The following NRG3 variants were observed in gnomAD, a reference collection of about 807,000 sequenced individuals.
NRG3 encodes neuregulin 3, also known as pro-neuregulin-3, membrane-bound isoform.
A neutral mutation model predicts 66.9 loss-of-function variants in NRG3; 31 were observed. The ratio of observed to expected loss-of-function variants is 0.46; its 90% CI spans 0.35 to 0.63. The LOEUF is 0.63. Among genes scored for constraint, NRG3 ranks in the 20% least tolerant of loss-of-function variants. The probability of loss-of-function intolerance (pLI) is 0.00; values close to 1 mark genes in which losing one functional copy is unlikely to be tolerated. For missense variants in NRG3, 910 were observed against 878.9 expected (o/e 1.04, Z -0.45); for synonymous variants, 393 against 359.4 (o/e 1.09, Z -1.06).
chr10:82,111,014 C>T (rs778981082), intron 1 of NRG3, among the ~76,000 whole-genome samples: 8 of 152,138 alleles, frequency 5.3e-5, no homozygotes, highest in Non-Finnish European at 7.4e-5. Context: ...TGTGCTTTTG[C>T]AACTTTTCTG....
Position 82,876,320 on chromosome 10 carries a change from G to T in NRG3, c.1054+10883G>T, listed in dbSNP as rs1247081125. On this transcript the variant is annotated intron_variant, in intron 4 of 8. Transcript: ENST00000372141. ...TTTCATGAATTTCTTATGTAATATG[G>T]TGAAACATTAATTATGTAGTAATTA... Among the ~76,000 whole-genome samples, 4 of 152,260 alleles carry T rather than the reference G, an allele frequency of 2.6e-5. No individual in the cohort carries two copies. The East Asian group carries it at 7.7e-4, about 29-fold the overall frequency.
intron 2 of NRG3, among the ~76,000 whole-genome samples, chr10:82,545,377 A>AT (rs745968047): frequency 0.077 from 10,126 of 130,948 alleles, 817 homozygotes; most frequent in East Asian, 0.26. Context: ...TGCTAATAGC[A>AT]TTTTTTTTTT....
intron 1 of NRG3, among the ~76,000 whole-genome samples, chr10:81,938,135 G>A (rs1205775559): frequency 6.6e-6 from 1 of 151,974 alleles, no homozygotes; most frequent in Non-Finnish European, 1.5e-5. Flanking sequence ...GATTAGTGTA[G>A]CCTGGTAATA....
chr10:82,446,117 A>T (rs1274221012), intron 2 of NRG3, among the ~76,000 whole-genome samples: 1 of 152,192 alleles, frequency 6.6e-6, no homozygotes, highest in Non-Finnish European at 1.5e-5. Context: ...ATGTCAGAAT[A>T]TCCAAGGAAA....
chr10:82,370,751 T>C (rs1033150187), intron 2 of NRG3, among the ~76,000 whole-genome samples: 4 of 152,128 alleles, frequency 2.6e-5, no homozygotes, highest in Admixed American at 2.6e-4. Flanking sequence ...ACGTATTACT[T>C]GAGAAAACTA....
intron 2 of NRG3, among the ~76,000 whole-genome samples, chr10:82,503,936 T>C (rs547022329): frequency 6.6e-6 from 1 of 152,160 alleles, no homozygotes; most frequent in Non-Finnish European, 1.5e-5. Flanking sequence ...GGACAACAGC[T>C]GTGTATAAGG....
chr10:82,795,579 C>T (rs2060767352), intron 3 of NRG3, among the ~76,000 whole-genome samples: 1 of 152,138 alleles, frequency 6.6e-6, no homozygotes, highest in Non-Finnish European at 1.5e-5. Flanking sequence ...ATACATGAAT[C>T]AGGGCAGCCT....
At chr10:82,351,954 G>C (rs1482858474) in intron 1 of NRG3, among the ~76,000 whole-genome samples, 2 of 152,176 alleles carry the variant, frequency 1.3e-5, no homozygotes, top group Non-Finnish European at 2.9e-5. Context: ...CTTCTACATA[G>C]CATTCAATCC....
chr10:82,380,643 C>T (rs947156022), intron 2 of NRG3, among the ~76,000 whole-genome samples: 2 of 152,126 alleles, frequency 1.3e-5, no homozygotes, highest in African/African-American at 2.4e-5. Context: ...TACAGATTAA[C>T]ACTGAAACAA....
intron 1 of NRG3, among the ~76,000 whole-genome samples, chr10:82,031,270 G>A (rs2062556231): frequency 6.6e-6 from 1 of 152,142 alleles, no homozygotes; most frequent in African/African-American, 2.4e-5. Context: ...ACGAACCTGT[G>A]TTAGGTGGAC....
At chr10:82,822,515 T>A (rs1447357555) in intron 3 of NRG3, among the ~76,000 whole-genome samples, 1 of 151,840 alleles carries the variant, frequency 6.6e-6, no homozygotes, top group East Asian at 1.9e-4. Context: ...GGTCATAACT[T>A]GCTCTACACA....
In NRG3 at chr10:82,985,387, C is replaced by G. The variant is rs199670372; in HGVS notation, c.1873C>G (p.Gln625Glu). The stretch of plus-strand genomic sequence containing the variant: ...CAGCGATTGTCTTATAGCAGAACAA[C>G]AAGAAGTGAAAATATTGCTAGAAAC... ...PVSDCLIAEQ[Q>E]EVKILLETVQ... The change falls in exon 9 of 9, where the codon CAA becomes GAA. Residue 625 changes from glutamine (Q) to glutamate (E), a missense_variant. Physicochemically the swap from Gln to Glu is conservative, Grantham distance 29. Transcript: ENST00000372141. The G allele has an allele frequency of 1.2e-6, 2 of 1,614,088 alleles. No individual in the cohort carries two copies. Among genetic ancestry groups the G allele is most frequent in the Non-Finnish European group, 8.5e-7 (1 of 1,179,978 alleles).
intron 4 of NRG3, among the ~76,000 whole-genome samples, chr10:82,889,281 T>C (rs1014923671): frequency 2.6e-5 from 4 of 152,118 alleles, no homozygotes; most frequent in African/African-American, 4.8e-5. Flanking sequence ...GAGAGTCTGC[T>C]GGATTTGTTG....
chr10:81,915,496 G>GTTTTTTT (rs78693924), intron 1 of NRG3, among the ~76,000 whole-genome samples: 1 of 130,734 alleles, frequency 7.6e-6, no homozygotes, highest in Non-Finnish European at 1.6e-5. Flanking sequence ...CACTTCTTTA[G>GTTTTTTT]TTTTTTTTTT....
chr10:82,317,794 G>A (rs2081368968), intron 1 of NRG3, among the ~76,000 whole-genome samples: 1 of 152,170 alleles, frequency 6.6e-6, no homozygotes, highest in Non-Finnish European at 1.5e-5. Flanking sequence ...CCTGGGAGAT[G>A]GGTCTGTGCC....
chr10:82,170,312 AG>A (rs1156990498), intron 1 of NRG3, among the ~76,000 whole-genome samples: 2 of 152,016 alleles, frequency 1.3e-5, no homozygotes, highest in Non-Finnish European at 1.5e-5. Flanking sequence ...ACTGTCCAAA[AG>A]ACAGAGAGAG....
chr10:82,779,424 C>T (rs1347730748), intron 3 of NRG3, among the ~76,000 whole-genome samples: 1 of 152,106 alleles, frequency 6.6e-6, no homozygotes, highest in Non-Finnish European at 1.5e-5. Context: ...TCTTCACGGA[C>T]CTACTCTACT....
intron 2 of NRG3, among the ~76,000 whole-genome samples, chr10:82,468,733 T>C (rs1840935256): frequency 6.6e-6 from 1 of 152,162 alleles, no homozygotes; most frequent in South Asian, 2.1e-4. Flanking sequence ...GCACTTTAGA[T>C]CTATTGCATC....
chr10:82,470,862 C>G (rs1841186005), intron 2 of NRG3, among the ~76,000 whole-genome samples: 1 of 152,212 alleles, frequency 6.6e-6, no homozygotes, highest in African/African-American at 2.4e-5. Context: ...TCAAGCTCCC[C>G]TGCCCTACTC....
Sources: gnomAD v4.1 joint callset for allele counts (sites outside exome capture counted in the v4.1 genomes callset) on GRCh38, gnomAD v4.1.1 for gene constraint, MANE v1.5 for transcripts, NCBI Gene and HGNC (gene_info 2026-07-23, HGNC 2026-07-21) for gene names.